The following PPIP5K2 variants were observed in gnomAD, a reference collection of about 807,000 sequenced individuals.
The protein encoded by PPIP5K2 is diphosphoinositol pentakisphosphate kinase 2.
A neutral mutation model predicts 154.6 loss-of-function variants in PPIP5K2; 105 were observed. That is an observed-to-expected ratio of 0.68 (90% CI 0.58 to 0.80). The LOEUF (loss-of-function observed/expected upper bound fraction) is 0.80. Ranked by LOEUF, PPIP5K2 falls within the 30% of genes least tolerant of loss-of-function variation. PPIP5K2 has a pLI of 0.00. For missense variants in PPIP5K2, 992 were observed against 1,504.6 expected (o/e 0.66, Z 5.64); for synonymous variants, 480 against 490.3 (o/e 0.98, Z 0.28).
intron 1 of PPIP5K2, among the ~76,000 whole-genome samples, chr5:103,123,758 A>G (rs975699273): frequency 1.3e-5 from 2 of 152,238 alleles, no homozygotes; most frequent in African/African-American, 4.8e-5. Flanking sequence ...CCACTGCTAT[A>G]GAAGGAATTC....
At chr5:103,135,593 C>G (rs1791345398) in intron 3 of PPIP5K2, among the ~76,000 whole-genome samples, 1 of 152,100 alleles carries the variant, frequency 6.6e-6, no homozygotes, top group Admixed American at 6.5e-5. Flanking sequence ...CTACCCTCAG[C>G]TGATTCTTTT....
At position 103,204,255 on chromosome 5, in the gene PPIP5K2, A is replaced by G. The variant is rs1554231582; in HGVS notation, c.*2621A>G. 1 of 152,184 alleles carries G rather than the reference A, an allele frequency of 6.6e-6. No homozygotes were observed. Among genetic ancestry groups the G allele is most frequent in the Admixed American group, 6.5e-5 (1 of 15,270 alleles). 9.4% of individuals were successfully genotyped at this position (152,184 alleles called of 1,614,324 possible). ...TTGTGTATTTATAAGAATTTGCTTTACACATAGTGTACAGTGTTTATTAAC... is the reference window on the plus strand; with the variant it reads ...TTGTGTATTTATAAGAATTTGCTTTGCACATAGTGTACAGTGTTTATTAAC... On this transcript the variant is annotated 3_prime_UTR_variant, in exon 31 of 31. Coordinates refer to ENST00000358359, the MANE Select transcript of PPIP5K2 (RefSeq NM_001276277.3).
intron 23 of PPIP5K2, among the ~76,000 whole-genome samples, chr5:103,179,443 G>A (rs1389133739): frequency 1.3e-5 from 2 of 151,968 alleles, no homozygotes; most frequent in Admixed American, 1.3e-4. Flanking sequence ...ATACTGTGTT[G>A]GAGGATTCTT....
At position 103,187,282 on chromosome 5, in the gene PPIP5K2, G is replaced by A. The variant is rs551333700; in HGVS notation, c.3290-32G>A. On this transcript the variant is annotated intron_variant, in intron 27 of 30. Transcript: ENST00000358359. ...TAAGTGTTCTTTTTGTAGCTGTTAC[G>A]AATTTCAGGTACCTGTTTTTCTCTT... 497 of 1,502,022 alleles carry A rather than the reference G, an allele frequency of 3.3e-4. 4 individuals are homozygous for A. The African/African-American group carries it at 4.8e-3, about 15-fold the overall frequency. The allele number at this position is 1,502,022 out of a possible 1,614,324, so 93.0% of individuals were successfully genotyped here. A position where few individuals can be genotyped will look rare whatever the true frequency, so the allele number is the denominator to read the frequency against.
chr5:103,131,386 GAAT>G (rs1458163497), intron 2 of PPIP5K2, among the ~76,000 whole-genome samples: 1 of 151,984 alleles, frequency 6.6e-6, no homozygotes, highest in African/African-American at 2.4e-5. Flanking sequence ...ATCATTTAGG[GAAT>G]AATAATAAGA....
In PPIP5K2 at chr5:103,211,762, G is replaced by A. The variant is rs1177816625; in HGVS notation, c.*10128G>A. The A allele has an allele frequency of 2.6e-5, 4 of 151,960 alleles. No homozygotes were observed. Among genetic ancestry groups the A allele is most frequent in the African/African-American group, 9.7e-5 (4 of 41,308 alleles). The allele number at this position is 151,960 out of a possible 1,614,324, so 9.4% of individuals were successfully genotyped here. A position where few individuals can be genotyped will look rare whatever the true frequency, so the allele number is the denominator to read the frequency against. ...AGCCCTGATGATACAAATATGAAAA[G>A]TCCTGTTTCCAGGGAATTTACTTTC... On this transcript the variant is annotated 3_prime_UTR_variant, in exon 31 of 31. Transcript: ENST00000358359.
chr5:103,179,988 A>G, intron 23 of PPIP5K2, 33 bp from the exon 24 acceptor site: 1 of 1,488,294 alleles, frequency 6.7e-7, no homozygotes, highest in Non-Finnish European at 9.0e-7. Flanking sequence ...TTAAATCTGA[A>G]TAGTAAAAGT....
At chr5:103,154,164 T>C (rs570347577) in intron 11 of PPIP5K2, among the ~76,000 whole-genome samples, 1 of 152,162 alleles carries the variant, frequency 6.6e-6, no homozygotes, top group East Asian at 1.9e-4. Flanking sequence ...CTGGCTTTCA[T>C]TTATTGTCAT....
At chr5:103,178,585 A>T (rs1799059018) in intron 23 of PPIP5K2, among the ~76,000 whole-genome samples, 1 of 151,552 alleles carries the variant, frequency 6.6e-6, no homozygotes, top group Non-Finnish European at 1.5e-5. Context: ...ATGCATTTTC[A>T]TATAAATTTT....
chr5:103,157,174 G>A (rs1419632142), intron 14 of PPIP5K2, among the ~76,000 whole-genome samples: 4 of 151,980 alleles, frequency 2.6e-5, no homozygotes, highest in African/African-American at 9.7e-5. Context: ...TTCTTTTAGT[G>A]CTTATAATGC....
chr5:103,185,608 A>G (rs1554224686), intron 26 of PPIP5K2, among the ~76,000 whole-genome samples: 1 of 152,046 alleles, frequency 6.6e-6, no homozygotes, highest in East Asian at 1.9e-4. Context: ...ATCCTTCCCC[A>G]GTGATGAAAG....
At chr5:103,184,458 A>G in intron 25 of PPIP5K2, 1 of 431,278 alleles carries the variant, frequency 2.3e-6, no homozygotes, top group Admixed American at 3.9e-5. Context: ...TTCATTCTGA[A>G]TGCCTGCTTC....
At position 103,138,474 on chromosome 5, in the gene PPIP5K2, G is replaced by C; in HGVS notation, c.487+5G>C. Reference sequence around the variant, plus strand: ...GTGACCCAAATAATCCCAAAGGTAAGAGTAAGAGATTTTAGGTAAGCTTCC... The same window carrying C: ...GTGACCCAAATAATCCCAAAGGTAACAGTAAGAGATTTTAGGTAAGCTTCC... On this transcript the variant is annotated splice_donor_5th_base_variant and intron_variant, in intron 5 of 30. Transcript: ENST00000358359. 1 of 1,579,696 alleles carries C rather than the reference G, an allele frequency of 6.3e-7. No homozygotes were observed. The highest frequency in any genetic ancestry group is 2.3e-5 in the East Asian group (1 of 44,240).
At position 103,206,374 on chromosome 5, in the gene PPIP5K2, C is replaced by A. The variant is rs1212357869; in HGVS notation, c.*4740C>A. On this transcript the variant is annotated 3_prime_UTR_variant, in exon 31 of 31. Transcript: ENST00000358359. ...AATAAAAATTGAGGGAAGTTCTGTC[C>A]CAATCCTGGAATATTAATATTAAGC... The A allele has an allele frequency of 6.6e-6, 1 of 152,008 alleles. No individual in the cohort carries two copies. Among genetic ancestry groups the A allele is most frequent in the African/African-American group, 2.4e-5 (1 of 41,374 alleles). The allele number at this position is 152,008 out of a possible 1,614,324, so 9.4% of individuals were successfully genotyped here.
chr5:103,209,514 C>G lies in PPIP5K2; in HGVS notation c.*7880C>G, dbSNP rs1803690742. 6.6e-6 allele frequency: 1 copy of G among 151,968 alleles called. No individual in the cohort carries two copies. Among genetic ancestry groups the G allele is most frequent in the African/African-American group, 2.4e-5 (1 of 41,342 alleles). The allele number at this position is 151,968 out of a possible 1,614,324, so 9.4% of individuals were successfully genotyped here. On this transcript the variant is annotated 3_prime_UTR_variant, in exon 31 of 31. Coordinates refer to ENST00000358359, the MANE Select transcript of PPIP5K2 (RefSeq NM_001276277.3). ...TGACCCAGGTAGGATAGTGGATGTA[C>G]AGTTTAGATACCCATTTTAAAGCAG...
chr5:103,136,923 C>A, intron 4 of PPIP5K2, 101 bp downstream of exon 4: 1 of 800,298 alleles, frequency 1.2e-6, no homozygotes, highest in Non-Finnish European at 2.1e-6. Context: ...ATTATTAATT[C>A]ATTGTACTTT....
intron 26 of PPIP5K2, 83 bp downstream of exon 26, chr5:103,184,827 A>ATT: frequency 2.0e-6 from 2 of 995,736 alleles, no homozygotes; most frequent in Non-Finnish European, 3.1e-6. Flanking sequence ...TGGTGAAAGC[A>ATT]TGACCAAATG....
intron 30 of PPIP5K2, among the ~76,000 whole-genome samples, chr5:103,200,731 G>A (rs1307260694): frequency 6.6e-6 from 1 of 151,754 alleles, no homozygotes; most frequent in Non-Finnish European, 1.5e-5. Flanking sequence ...AACCTATCAG[G>A]CTCAAGCAAT....
chr5:103,192,658 G>T (rs1264660221), intron 29 of PPIP5K2, among the ~76,000 whole-genome samples: 4 of 152,080 alleles, frequency 2.6e-5, no homozygotes, highest in Non-Finnish European at 4.4e-5. Context: ...ATATTTTAAG[G>T]TTTGTTCTGT....
Sources: gnomAD v4.1 joint callset for allele counts (sites outside exome capture counted in the v4.1 genomes callset) on GRCh38, gnomAD v4.1.1 for gene constraint, MANE v1.5 for transcripts, NCBI Gene and HGNC (gene_info 2026-07-23, HGNC 2026-07-21) for gene names.